The following SGCD variants were observed in gnomAD, a reference collection of about 807,000 sequenced individuals.
SGCD encodes delta-sarcoglycan.
SGCD carries 18 observed loss-of-function variants against 36.6 expected under a neutral mutation model. That is an observed-to-expected ratio of 0.49 (90% CI 0.34 to 0.73). The LOEUF (loss-of-function observed/expected upper bound fraction) is 0.73, where lower values mean the gene tolerates loss of function less well. SGCD is among the 30% of genes least tolerant of loss of function. The pLI is 0.01. For missense variants in SGCD, 387 were observed against 346.7 expected (o/e 1.12, Z -0.92); for synonymous variants, 133 against 130.6 (o/e 1.02, Z -0.12).
intron 3 of SGCD, among the ~76,000 whole-genome samples, chr5:156,393,435 A>C (rs994998277): frequency 6.6e-6 from 1 of 152,246 alleles, no homozygotes; most frequent in African/African-American, 2.4e-5. Flanking sequence ...ATTTATAAAC[A>C]TACAGTTAAA....
intron 7 of SGCD, among the ~76,000 whole-genome samples, chr5:156,707,364 A>G (rs1005346916): frequency 6.6e-6 from 1 of 152,140 alleles, no homozygotes; most frequent in Non-Finnish European, 1.5e-5. Flanking sequence ...TTCATCTATT[A>G]TAATTATTAC....
intron 3 of SGCD, among the ~76,000 whole-genome samples, chr5:156,244,070 A>T (rs1289331777): frequency 6.6e-6 from 1 of 152,214 alleles, no homozygotes; most frequent in Non-Finnish European, 1.5e-5. Flanking sequence ...CAAAGTGATC[A>T]TAATGTGATG....
chr5:156,364,673 G>T (rs1224587541), intron 3 of SGCD, among the ~76,000 whole-genome samples: 1 of 152,072 alleles, frequency 6.6e-6, no homozygotes, highest in African/African-American at 2.4e-5. Flanking sequence ...CTCCCTTTGT[G>T]GGATTTTTGC....
intron 7 of SGCD, among the ~76,000 whole-genome samples, chr5:156,684,159 A>G (rs978038375): frequency 3.3e-5 from 5 of 152,188 alleles, no homozygotes; most frequent in Admixed American, 6.6e-5. Context: ...ATAAGATGTT[A>G]TGAATTACCA....
chr5:155,888,828 T>G (rs1756063242), intron 1 of SGCD, among the ~76,000 whole-genome samples: 1 of 152,196 alleles, frequency 6.6e-6, no homozygotes, highest in Non-Finnish European at 1.5e-5. Context: ...GTAAAATATT[T>G]TGTAGCAACA....
intron 1 of SGCD, among the ~76,000 whole-genome samples, chr5:155,978,830 A>T (rs1463267407): frequency 1.3e-5 from 2 of 148,658 alleles, no homozygotes; most frequent in African/African-American, 4.9e-5. Flanking sequence ...AGTTATTTTA[A>T]AAAAAAAAAG....
chr5:156,209,033 A>T (rs249886), intron 3 of SGCD, among the ~76,000 whole-genome samples: 38,537 of 152,002 alleles, frequency 0.25, 5,424 homozygotes, highest in Non-Finnish European at 0.31. Context: ...GAGTAGAGGG[A>T]AGTGAGCACC....
intron 1 of SGCD, among the ~76,000 whole-genome samples, chr5:155,994,972 G>A (rs764820445): frequency 1.3e-5 from 2 of 152,162 alleles, no homozygotes; most frequent in Non-Finnish European, 2.9e-5. Flanking sequence ...GGGATAGAAC[G>A]TGGATTTGAG....
chr5:155,919,825 G>T (rs891740475), intron 1 of SGCD, among the ~76,000 whole-genome samples: 1 of 152,076 alleles, frequency 6.6e-6, no homozygotes, highest in Admixed American at 6.5e-5. Flanking sequence ...AATATTTGGC[G>T]AGTGCTTACT....
At chr5:156,603,841 C>T (rs565851208) in intron 6 of SGCD, among the ~76,000 whole-genome samples, 15 of 151,992 alleles carry the variant, frequency 9.9e-5, no homozygotes, top group South Asian at 2.1e-4. Context: ...GAATGTTAAA[C>T]GTGTAATTGA....
intron 1 of SGCD, among the ~76,000 whole-genome samples, chr5:156,329,141 G>T (rs1425474753): frequency 6.6e-6 from 1 of 152,174 alleles, no homozygotes; most frequent in Non-Finnish European, 1.5e-5. Context: ...AAGAGAAAAA[G>T]TAAGCAGCGG....
chr5:155,803,044 A>G, the SGCD span, among the ~76,000 whole-genome samples: 4 of 152,218 alleles, frequency 2.6e-5, no homozygotes, highest in Non-Finnish European at 1.5e-5. Context: ...TACTACTTTA[A>G]GGCCACACAA....
At chr5:156,033,072 G>A (rs542739649) in intron 1 of SGCD, among the ~76,000 whole-genome samples, 109 of 151,370 alleles carry the variant, frequency 7.2e-4, no homozygotes, top group Non-Finnish European at 1.3e-3. Flanking sequence ...GTGAGACATC[G>A]TCTCAAAAAT....
At chr5:156,271,481 C>G (rs1166141345) in intron 3 of SGCD, among the ~76,000 whole-genome samples, 3 of 152,042 alleles carry the variant, frequency 2.0e-5, no homozygotes, top group Non-Finnish European at 4.4e-5. Context: ...GAATTTAAGC[C>G]TTTGGAAATT....
chr5:156,073,835 C>A (rs1489203525), intron 1 of SGCD, among the ~76,000 whole-genome samples: 10 of 152,174 alleles, frequency 6.6e-5, no homozygotes, highest in Admixed American at 3.9e-4. Context: ...ATTTGAAAGT[C>A]CCATATGTTC....
chr5:156,257,939 T>G (rs1765757754), intron 3 of SGCD, among the ~76,000 whole-genome samples: 2 of 152,196 alleles, frequency 1.3e-5, no homozygotes, highest in Non-Finnish European at 2.9e-5. Context: ...AAATTTAAAC[T>G]CTTAAGTATT....
chr5:156,089,750 G>A (rs1367349879), intron 1 of SGCD, among the ~76,000 whole-genome samples: 1 of 152,210 alleles, frequency 6.6e-6, no homozygotes, highest in Non-Finnish European at 1.5e-5. Flanking sequence ...CATAAAACAT[G>A]TCCTTGCATT....
intron 3 of SGCD, among the ~76,000 whole-genome samples, chr5:156,439,291 G>A (rs1753382366): frequency 6.6e-6 from 1 of 152,166 alleles, no homozygotes. Context: ...TGAAAGAGCT[G>A]AGGAGTGTCT....
rs1469600137 is a variant in SGCD at position 156,524,119 on chromosome 5, T to C, written c.294+15417T>C. ...CTATATATATATATATATATATATA[T>C]ATATATATATATATATATATATATA... On this transcript the variant is annotated intron_variant, in intron 4 of 8. Coordinates refer to ENST00000337851, the MANE Select transcript of SGCD (RefSeq NM_000337.6). Among the ~76,000 whole-genome samples, 3 of 63,780 alleles carry C rather than the reference T, an allele frequency of 4.7e-5. No individual in the cohort carries two copies. The South Asian group carries it at 1.4e-3, about 30-fold the overall frequency. The allele number at this position is 63,780 out of a possible 152,430, so 41.8% of individuals were successfully genotyped here.
Sources: gnomAD v4.1 joint callset for allele counts (sites outside exome capture counted in the v4.1 genomes callset) on GRCh38, gnomAD v4.1.1 for gene constraint, MANE v1.5 for transcripts, NCBI Gene and HGNC (gene_info 2026-07-23, HGNC 2026-07-21) for gene names.